The following FYB1 variants were observed in gnomAD, a reference collection of about 807,000 sequenced individuals.
The protein encoded by FYB1 is FYN-binding protein 1.
In FYB1, 41 loss-of-function variants were observed where a neutral mutation model predicts 94.1. The ratio of observed to expected loss-of-function variants is 0.44; its 90% CI spans 0.34 to 0.57. FYB1 has a LOEUF of 0.57. Among genes scored for constraint, FYB1 ranks in the 20% least tolerant of loss-of-function variants. FYB1 has a pLI of 0.02. For synonymous variants in FYB1, 367 were observed against 353.2 expected, an observed-to-expected ratio of 1.04 and a Z score of -0.44; for missense variants, 1,050 against 976.8, an observed-to-expected ratio of 1.07 and a Z score of -1.00.
intron 16 of FYB1, among the ~76,000 whole-genome samples, chr5:39,117,558 T>C (rs1466722432): frequency 6.6e-6 from 1 of 152,158 alleles, no homozygotes; most frequent in Non-Finnish European, 1.5e-5. Context: ...CTTTATCTTT[T>C]GTACCCACAT....
At chr5:39,245,415 A>G (rs917935820) in intron 1 of FYB1, among the ~76,000 whole-genome samples, 2 of 152,144 alleles carry the variant, frequency 1.3e-5, no homozygotes, top group African/African-American at 4.8e-5. Flanking sequence ...TAACATAACA[A>G]TTGGTTAGAT....
At chr5:39,271,514 CTTG>C (rs537238603) in intron 1 of FYB1, among the ~76,000 whole-genome samples, 2 of 152,160 alleles carry the variant, frequency 1.3e-5, no homozygotes, top group Non-Finnish European at 2.9e-5. Context: ...ATTTCCAGAT[CTTG>C]TTGTAAGTAT....
In FYB1 at chr5:39,235,864, CTT is replaced by C. The variant is rs992607890; in HGVS notation, c.-27-32879_-27-32878del. Among the ~76,000 whole-genome samples, 138 of 152,142 alleles carry C rather than the reference CTT, an allele frequency of 9.1e-4. 3 individuals carry two copies. Among genetic ancestry groups the C allele is most frequent in the African/African-American group, 3.1e-3 (129 of 41,544 alleles). On this transcript the variant is annotated intron_variant, in intron 1 of 1. Transcript: ENST00000510188. ...TAGAACAGTGTTGTGCAATAGGACTCTTTTGTAGTGATAGAAATATTCTATTT... is the reference window on the plus strand; with the variant it reads ...TAGAACAGTGTTGTGCAATAGGACTCTTGTAGTGATAGAAATATTCTATTT...
intron 14 of FYB1, among the ~76,000 whole-genome samples, chr5:39,121,507 C>G (rs1365116349): frequency 6.6e-6 from 1 of 152,142 alleles, no homozygotes; most frequent in East Asian, 1.9e-4. Flanking sequence ...GCTCAGAAGA[C>G]ACAACTTACT....
At position 39,260,517 on chromosome 5, in the gene FYB1, G is replaced by A. The variant is rs1183716266; in HGVS notation, c.-28+13886C>T. Among the ~76,000 whole-genome samples the A allele has an allele frequency of 2.0e-5, 3 of 152,136 alleles. No individual in the cohort carries two copies. In the East Asian group the frequency reaches 5.8e-4, roughly 29 times the overall value. ...AAAAATAAATTCACGTCTCTGTGAA[G>A]CATAGTAAAAGCTCAGAACATAAAG... On this transcript the variant is annotated intron_variant, in intron 1 of 1. Coordinates refer to the FYB1 transcript ENST00000510188.
chr5:39,144,007 T>C lies in FYB1; in HGVS notation c.1293-2866A>G, dbSNP rs538577084. Among the ~76,000 whole-genome samples, 19 of 152,324 alleles carry C rather than the reference T, an allele frequency of 1.2e-4. No individual in the cohort carries two copies. The East Asian group carries it at 2.5e-3, about 20-fold the overall frequency. On this transcript the variant is annotated intron_variant, in intron 3 of 18. Transcript: ENST00000512982. ...CATTCAGAATTAAATACAGACATGA[T>C]GGAATAAGCCAAACTCATAGTAAAA...
At chr5:39,119,371 A>G (rs1250294480) in intron 15 of FYB1, among the ~76,000 whole-genome samples, 164 bp downstream of exon 15, 1 of 152,150 alleles carries the variant, frequency 6.6e-6, no homozygotes, top group African/African-American at 2.4e-5. Flanking sequence ...TCAAAATAAA[A>G]GAGTTATAAC....
At chr5:39,194,450 G>A (rs188400691) in intron 2 of FYB1, among the ~76,000 whole-genome samples, 1 of 152,086 alleles carries the variant, frequency 6.6e-6, no homozygotes, top group Non-Finnish European at 1.5e-5. Context: ...TTGTGCCCAG[G>A]AGTTCAAGGC....
chr5:39,136,273 G>A lies in FYB1; in HGVS notation c.1516-1259C>T, dbSNP rs534554860. ...TTTAGTAGATACTGAGTTTCACTGTGTTAGCCAGTATGGTCTCAATCTCCT... is the reference window on the plus strand; with the variant it reads ...TTTAGTAGATACTGAGTTTCACTGTATTAGCCAGTATGGTCTCAATCTCCT... On this transcript the variant is annotated intron_variant, in intron 7 of 18. Transcript: ENST00000512982. 6.3e-4 allele frequency among the ~76,000 whole-genome samples: 95 copies of A among 151,650 alleles called. 2 individuals are homozygous for A. In the South Asian group the frequency reaches 0.013, roughly 21 times the overall value.
chr5:39,148,155 T>C, intron 3 of FYB1, among the ~76,000 whole-genome samples: 1 of 37,648 alleles, frequency 2.7e-5, no homozygotes, highest in East Asian at 1.6e-3. Flanking sequence ...TATGTATTTT[T>C]TATATATATA....
At chr5:39,112,855 G>T (rs1739194684) in intron 16 of FYB1, among the ~76,000 whole-genome samples, 1 of 152,054 alleles carries the variant, frequency 6.6e-6, no homozygotes, top group Non-Finnish European at 1.5e-5. Context: ...ACACTTTGTT[G>T]CTGTTGTTGT....
At chr5:39,151,644 TG>T (rs1253238815) in intron 3 of FYB1, among the ~76,000 whole-genome samples, 1 of 152,224 alleles carries the variant, frequency 6.6e-6, no homozygotes, top group Non-Finnish European at 1.5e-5. Context: ...CAGGGGTCTT[TG>T]TTTGTTTACT....
At chr5:39,252,855 G>A (rs1276171863) in intron 1 of FYB1, among the ~76,000 whole-genome samples, 1 of 152,172 alleles carries the variant, frequency 6.6e-6, no homozygotes, top group Non-Finnish European at 1.5e-5. Context: ...TGGAGTAAAA[G>A]TAGTACCTCA....
chr5:39,132,973 T>C (rs568356171), intron 9 of FYB1, among the ~76,000 whole-genome samples: 2 of 152,332 alleles, frequency 1.3e-5, no homozygotes, highest in South Asian at 4.1e-4. Flanking sequence ...CTCCAAACTC[T>C]AGTGCATGCA....
intron 2 of FYB1, among the ~76,000 whole-genome samples, chr5:39,154,839 G>T (rs892809934): frequency 6.6e-6 from 1 of 151,990 alleles, no homozygotes; most frequent in African/African-American, 2.4e-5. Flanking sequence ...TAATCCACCC[G>T]CCTTGTCCTC....
chr5:39,117,564 C>T (rs1222229736), intron 16 of FYB1, among the ~76,000 whole-genome samples: 3 of 152,078 alleles, frequency 2.0e-5, no homozygotes, highest in Non-Finnish European at 4.4e-5. Flanking sequence ...CTTTTGTACC[C>T]ACATTCTGTA....
At chr5:39,127,904 C>A in intron 10 of FYB1, 97 bp from the exon 11 acceptor site, 2 of 1,126,978 alleles carry the variant, frequency 1.8e-6, no homozygotes, top group Non-Finnish European at 1.2e-6. Context: ...TATTTAACTG[C>A]AGAGAGCATT....
At chr5:39,195,954 A>C (rs1251101674) in intron 2 of FYB1, among the ~76,000 whole-genome samples, 1 of 71,552 alleles carries the variant, frequency 1.4e-5, no homozygotes, top group East Asian at 3.9e-4. Flanking sequence ...TAGGAAAAAA[A>C]AATTTAGCTT....
At chr5:39,238,207 T>G (rs141198492) in intron 1 of FYB1, among the ~76,000 whole-genome samples, 1 of 152,064 alleles carries the variant, frequency 6.6e-6, no homozygotes, top group Non-Finnish European at 1.5e-5. Context: ...AAGTTCTGCA[T>G]GTATATGTGT....
Sources: gnomAD v4.1 joint callset for allele counts (sites outside exome capture counted in the v4.1 genomes callset) on GRCh38, gnomAD v4.1.1 for gene constraint, MANE v1.5 for transcripts, NCBI Gene and HGNC (gene_info 2026-07-23, HGNC 2026-07-21) for gene names.